FAT3: variants seen among roughly 807,000 people sequenced by gnomAD.
FAT3 encodes FAT atypical cadherin 3, also known as protocadherin Fat 3.
A neutral mutation model predicts 310.2 loss-of-function variants in FAT3; 95 were observed. That is an observed-to-expected ratio of 0.31 (90% CI 0.26 to 0.36). The LOEUF is 0.36. Among genes scored for constraint, FAT3 ranks in the 10% least tolerant of loss-of-function variants. FAT3 has a pLI of 1.00. For missense variants in FAT3, 5,408 were observed against 5,715.6 expected (o/e 0.95, Z 1.74); for synonymous variants, 2,314 against 2,192.9 (o/e 1.06, Z -1.54).
intron 4 of FAT3, among the ~76,000 whole-genome samples, chr11:92,739,940 C>A (rs777960643): frequency 6.6e-6 from 1 of 152,178 alleles, no homozygotes; most frequent in Non-Finnish European, 1.5e-5. Context: ...ACCTTTCACA[C>A]ATAGGTACTT....
intron 4 of FAT3, among the ~76,000 whole-genome samples, chr11:92,747,434 C>G (rs1945703766): frequency 1.3e-5 from 2 of 152,188 alleles, no homozygotes; most frequent in Admixed American, 1.3e-4. Context: ...CTGGGCCCAG[C>G]CCACAAAACC....
chr11:92,799,203 C>T lies in FAT3; in HGVS notation c.6190C>T (p.Arg2064Cys), dbSNP rs759701930. 2.2e-5 allele frequency: 35 copies of T among 1,613,762 alleles called. No individual in the cohort carries two copies. The highest frequency in any genetic ancestry group is 2.2e-4 in the Admixed American group (13 of 59,978). ...VEASRELDHL[R>C]VARVVVRVNI... ...AGCCAGCCGTGAGCTGGACCATCTG[C>T]GTGTGGCCAGAGTGGTGGTCAGGGT... The change falls in exon 10 of 28, where the codon CGT (arginine) becomes TGT (cysteine). Residue 2064 changes from arginine (R) to cysteine (C), a missense_variant. Transcript: ENST00000525166.
chr11:92,316,187 A>G (rs908205849), intron 1 of FAT3, among the ~76,000 whole-genome samples: 2 of 152,012 alleles, frequency 1.3e-5, no homozygotes, highest in African/African-American at 4.8e-5. Context: ...GCCAAGCAGA[A>G]CTAGGGATAA....
At chr11:92,601,245 C>T (rs1276514545) in intron 3 of FAT3, among the ~76,000 whole-genome samples, 1 of 151,760 alleles carries the variant, frequency 6.6e-6, no homozygotes, top group Non-Finnish European at 1.5e-5. Flanking sequence ...AAAAACATTC[C>T]ATACAGGCAT....
chr11:92,587,165 G>T lies in FAT3; in HGVS notation c.3607+62217G>T, dbSNP rs373346520. Among the ~76,000 whole-genome samples, 14 of 151,970 alleles carry T rather than the reference G, an allele frequency of 9.2e-5. No individual in the cohort carries two copies. The East Asian group carries it at 2.7e-3, about 29-fold the overall frequency. ...ATATTAAATTGTGTGTACTTTTACA[G>T]TCCTCCTAAATTCAGATGAATTCAG... On this transcript the variant is annotated intron_variant, in intron 3 of 27. Coordinates refer to ENST00000525166, the MANE Select transcript of FAT3 (RefSeq NM_001367949.2).
chr11:92,522,530 A>G (rs1953721347), intron 2 of FAT3, among the ~76,000 whole-genome samples: 1 of 152,130 alleles, frequency 6.6e-6, no homozygotes, highest in South Asian at 2.1e-4. Context: ...GCAGATTTCT[A>G]AATTCCTACA....
At chr11:92,508,215 A>G (rs1336578140) in intron 2 of FAT3, among the ~76,000 whole-genome samples, 1 of 152,104 alleles carries the variant, frequency 6.6e-6, no homozygotes, top group African/African-American at 2.4e-5. Flanking sequence ...TATTTTGGTC[A>G]AAGTTGTCTC....
chr11:92,659,322 G>A (rs1942692199), intron 3 of FAT3, among the ~76,000 whole-genome samples: 1 of 152,078 alleles, frequency 6.6e-6, no homozygotes, highest in Non-Finnish European at 1.5e-5. Context: ...TAGAACTCAG[G>A]GAATAAAATA....
rs112304694 is a variant in FAT3, at chr11:92,431,018, A to T, written c.3292+75614A>T. Among the ~76,000 whole-genome samples the T allele has an allele frequency of 2.6e-5, 4 of 152,174 alleles. No homozygotes were observed. In the East Asian group the frequency reaches 5.8e-4, roughly 22 times the overall value. On this transcript the variant is annotated intron_variant, in intron 2 of 27. Coordinates refer to ENST00000525166, the MANE Select transcript of FAT3 (RefSeq NM_001367949.2). ...CAGCATGATTTATAATCCTTTGGGT[A>T]TATACCCAGTAATGGGATTGCTGGG...
chr11:92,319,827 A>G (rs1468513580), intron 1 of FAT3, among the ~76,000 whole-genome samples: 1 of 152,214 alleles, frequency 6.6e-6, no homozygotes, highest in Non-Finnish European at 1.5e-5. Context: ...CATTCTGAGA[A>G]TGCTTGTACT....
At chr11:92,474,909 T>G (rs1952007488) in intron 2 of FAT3, among the ~76,000 whole-genome samples, 1 of 152,230 alleles carries the variant, frequency 6.6e-6, no homozygotes, top group Non-Finnish European at 1.5e-5. Context: ...CCTTCCTGAT[T>G]GTATTCATGG....
intron 9 of FAT3, among the ~76,000 whole-genome samples, chr11:92,795,207 G>C (rs1442943019): frequency 1.3e-5 from 2 of 152,130 alleles, no homozygotes; most frequent in Admixed American, 6.5e-5. Flanking sequence ...GACTGGGACT[G>C]AGTTGAGTTC....
intron 3 of FAT3, among the ~76,000 whole-genome samples, chr11:92,602,692 A>G (rs1440231530): frequency 6.6e-6 from 1 of 152,214 alleles, no homozygotes; most frequent in East Asian, 1.9e-4. Flanking sequence ...TCCTGAAAGG[A>G]CTTACCCTTC....
chr11:92,239,215 G>GC (rs767045825), intron 1 of FAT3, among the ~76,000 whole-genome samples: 85 of 152,096 alleles, frequency 5.6e-4, no homozygotes, highest in Admixed American at 1.8e-3. Flanking sequence ...GCCTAAAAGA[G>GC]CCCCCTGGGC....
intron 4 of FAT3, among the ~76,000 whole-genome samples, chr11:92,721,939 AC>A: frequency 6.6e-6 from 1 of 152,046 alleles, no homozygotes; most frequent in Non-Finnish European, 1.5e-5. Flanking sequence ...TGATTTAAGT[AC>A]CTCCCACTGG....
chr11:92,305,838 T>G (rs1163207448), intron 1 of FAT3, among the ~76,000 whole-genome samples: 1 of 152,192 alleles, frequency 6.6e-6, no homozygotes, highest in African/African-American at 2.4e-5. Flanking sequence ...AAATGGCATC[T>G]AAATTCAGTG....
chr11:92,630,811 A>C (rs1002400472), intron 3 of FAT3, among the ~76,000 whole-genome samples: 2 of 144,170 alleles, frequency 1.4e-5, no homozygotes, highest in Admixed American at 1.3e-4. Flanking sequence ...ACCCACCCCT[A>C]TTGAATGCTT....
At chr11:92,541,721 C>T (rs767407268) in intron 3 of FAT3, among the ~76,000 whole-genome samples, 4 of 152,088 alleles carry the variant, frequency 2.6e-5, no homozygotes, top group Non-Finnish European at 2.9e-5. Context: ...ATGGTGCCCT[C>T]CTACCTCTGT....
chr11:92,798,809 T>G lies in FAT3; in HGVS notation c.5796T>G (p.Ile1932Met). ...LMEGSLDHFL[I>M]DSNSGVLTIK... ...AAGGCAGTTTGGATCATTTTTTAAT[T>G]GACTCAAACAGTGGAGTACTTACCA... is the stretch of plus-strand genomic sequence containing the variant. The change falls in exon 10 of 28, where the codon ATT (isoleucine) becomes ATG (methionine). Residue 1932 changes from isoleucine (I) to methionine (M), a missense_variant. By Grantham distance (10) the Ile-to-Met change is conservative. Transcript: ENST00000525166. The G allele has an allele frequency of 6.2e-7, 1 of 1,613,896 alleles. No individual in the cohort carries two copies. The highest frequency in any genetic ancestry group is 8.5e-7 in the Non-Finnish European group (1 of 1,179,854).
Sources: allele counts gnomAD v4.1 joint callset (sites outside exome capture counted in the v4.1 genomes callset), GRCh38; gene constraint gnomAD v4.1.1; transcripts MANE v1.5; gene names NCBI Gene and HGNC (gene_info 2026-07-23, HGNC 2026-07-21).